The following GRIA3 variants were observed in gnomAD, a reference collection of about 807,000 sequenced individuals.
The protein encoded by GRIA3 is glutamate ionotropic receptor AMPA type subunit 3.
Under a neutral mutation model 63.0 loss-of-function variants are expected in GRIA3, and 3 were observed. That is an observed-to-expected ratio of 0.05 (90% confidence interval 0.02 to 0.12). The LOEUF is 0.12. Among genes scored for constraint, GRIA3 ranks in the 10% least tolerant of loss-of-function variants. The pLI is 1.00. For synonymous variants in GRIA3, 274 were observed against 257.9 expected, an observed-to-expected ratio of 1.06 and a Z score of -0.60; for missense variants, 347 against 700.9, an observed-to-expected ratio of 0.50 and a Z score of 5.70.
At chrX:123,389,069 G>A (rs1324231697) in intron 5 of GRIA3, among the ~76,000 whole-genome samples, 1 of 112,018 alleles carries the variant, frequency 8.9e-6, no homozygotes, top group East Asian at 2.8e-4. Context: ...ACTCCTTTGT[G>A]GCCTGAGAAG....
Position 123,184,488 on chromosome X carries a change from A to C in GRIA3, c.-48A>C, listed in dbSNP as rs369143789. 2 of 915,244 alleles carry C rather than the reference A, an allele frequency of 2.2e-6. No homozygotes were observed. The allele number at this position is 915,244 out of a possible 1,213,427, so 75.4% of individuals were successfully genotyped here. A position where few individuals can be genotyped will look rare whatever the true frequency, so the allele number is the denominator to read the frequency against. On this transcript the variant is annotated 5_prime_UTR_variant, in exon 1 of 16. Coordinates refer to ENST00000620443, the MANE Select transcript of GRIA3 (RefSeq NM_007325.5). ...TTCTTTTTCTATTATTATTTTGACG[A>C]CTCCTGAGTTGCGCCCATGCTCTTG...
In GRIA3 at chrX:123,190,430, G is replaced by A. The variant is rs1040863537; in HGVS notation, c.268+4440G>A. Among the ~76,000 whole-genome samples the A allele has an allele frequency of 5.4e-5, 6 of 110,691 alleles. No homozygotes were observed. In the South Asian group the frequency reaches 1.2e-3, roughly 21 times the overall value. On this transcript the variant is annotated intron_variant, in intron 2 of 15. Coordinates refer to ENST00000620443, the MANE Select transcript of GRIA3 (RefSeq NM_007325.5). ...GTCACGTTTTCACAAGGTTTATTAC[G>A]GTTTTTAAAATTTATTTTTCATAGG...
intron 3 of GRIA3, among the ~76,000 whole-genome samples, chrX:123,284,452 C>T (rs1187810163): frequency 1.8e-5 from 2 of 110,927 alleles, no homozygotes; most frequent in East Asian, 2.8e-4. Flanking sequence ...CAACCTCCTC[C>T]GAGCTAAAGG....
chrX:123,388,710 T>C (rs1235691315), intron 5 of GRIA3, among the ~76,000 whole-genome samples: 1 of 112,531 alleles, frequency 8.9e-6, no homozygotes, highest in African/African-American at 3.2e-5. Flanking sequence ...CTTTAGTCTG[T>C]TTCATTTAGT....
intron 5 of GRIA3, among the ~76,000 whole-genome samples, chrX:123,362,770 T>C (rs1477295501): frequency 9.0e-6 from 1 of 110,579 alleles, no homozygotes; most frequent in Non-Finnish European, 1.9e-5. Context: ...TCCCCATTAA[T>C]AGAACTTATG....
rs191009757 is a variant in GRIA3 at position 123,364,175 on chromosome X, T to C, written c.750+9212T>C. Among the ~76,000 whole-genome samples, 5 of 112,417 alleles carry C rather than the reference T, an allele frequency of 4.4e-5. No homozygotes were observed. In the Admixed American group the frequency reaches 4.7e-4, roughly 11 times the overall value. ...CAACCCTTAATTATTAAAATCCTTA[T>C]GAAATAATAAGATAGGCTTAACAGA... is the stretch of plus-strand genomic sequence containing the variant. On this transcript the variant is annotated intron_variant, in intron 5 of 15. Transcript: ENST00000620443.
At chrX:123,306,002 G>A (rs1603083233) in intron 3 of GRIA3, among the ~76,000 whole-genome samples, 1 of 111,656 alleles carries the variant, frequency 9.0e-6, no homozygotes, top group African/African-American at 3.3e-5. Context: ...AGTCATTGAC[G>A]TTAATGTTCT....
chrX:123,345,250 G>A (rs1229455340), intron 4 of GRIA3, among the ~76,000 whole-genome samples: 4 of 110,999 alleles, frequency 3.6e-5, no homozygotes, highest in African/African-American at 9.9e-5. Flanking sequence ...AGCCCAAGAC[G>A]CCTAGGCAAT....
intron 3 of GRIA3, among the ~76,000 whole-genome samples, chrX:123,276,605 A>G (rs1423536817): frequency 1.8e-5 from 2 of 112,101 alleles, no homozygotes; most frequent in Non-Finnish European, 3.8e-5. Context: ...TTTGCAGGTG[A>G]GGACATAGAG....
chrX:123,200,566 T>C (rs1266719573), intron 2 of GRIA3, among the ~76,000 whole-genome samples: 1 of 102,979 alleles, frequency 9.7e-6, no homozygotes, highest in Non-Finnish European at 2.0e-5. Flanking sequence ...TAAGTCATTA[T>C]ATATGAGCCC....
intron 10 of GRIA3, among the ~76,000 whole-genome samples, chrX:123,412,205 T>C (rs2045510686): frequency 8.9e-6 from 1 of 111,825 alleles, no homozygotes; most frequent in African/African-American, 3.3e-5. Context: ...TATTTTTGGA[T>C]GCTAGTTAGT....
chrX:123,423,301 C>A (rs906169958), intron 11 of GRIA3, among the ~76,000 whole-genome samples: 1 of 111,709 alleles, frequency 9.0e-6, no homozygotes, highest in Non-Finnish European at 1.9e-5. Flanking sequence ...ACACGTAGAT[C>A]CTCCTTTAAA....
rs45448591 is a variant in GRIA3, at chrX:123,489,063, T to C, written c.*353T>C. On this transcript the variant is annotated 3_prime_UTR_variant, in exon 16 of 16. Coordinates refer to ENST00000620443, the MANE Select transcript of GRIA3 (RefSeq NM_007325.5). The stretch of plus-strand genomic sequence containing the variant: ...TTCTTTGATACCACTGCAGAGTATA[T>C]AAACACCATGTTCTTTAATACACAC... The C allele has an allele frequency of 0.031, 3,062 of 97,421 alleles. 53 individuals carry two copies. Among genetic ancestry groups the C allele is most frequent in the Middle Eastern group, 0.056 (11 of 196 alleles). The allele number at this position is 97,421 out of a possible 1,213,427, so 8.0% of individuals were successfully genotyped here.
intron 4 of GRIA3, among the ~76,000 whole-genome samples, chrX:123,350,526 T>C (rs1331777216): frequency 8.9e-6 from 1 of 112,207 alleles, no homozygotes; most frequent in African/African-American, 3.2e-5. Flanking sequence ...ATTTCTAAAA[T>C]TATGAAAATG....
chrX:123,203,706 G>T (rs992605726), intron 2 of GRIA3, among the ~76,000 whole-genome samples: 2 of 111,982 alleles, frequency 1.8e-5, no homozygotes, highest in Non-Finnish European at 3.8e-5. Flanking sequence ...GGTAGAACTG[G>T]TTAGATACAG....
At chrX:123,189,936 A>C (rs1927384309) in intron 2 of GRIA3, among the ~76,000 whole-genome samples, 1 of 111,914 alleles carries the variant, frequency 8.9e-6, no homozygotes, top group Non-Finnish European at 1.9e-5. Context: ...TCACTACCAA[A>C]TATACTTAGC....
intron 13 of GRIA3, among the ~76,000 whole-genome samples, chrX:123,472,622 T>C (rs767564762): frequency 1.3e-4 from 15 of 111,583 alleles, no homozygotes; most frequent in Admixed American, 3.8e-4. Flanking sequence ...AACTACTAGA[T>C]GGAGAAGTTG....
At chrX:123,485,311 G>A (rs1446533217) in intron 15 of GRIA3, among the ~76,000 whole-genome samples, 1 of 111,687 alleles carries the variant, frequency 9.0e-6, no homozygotes, top group Non-Finnish European at 1.9e-5. Flanking sequence ...TCATCCAAGT[G>A]TTCTCACATC....
intron 2 of GRIA3, among the ~76,000 whole-genome samples, chrX:123,190,539 C>T (rs1409312100): frequency 9.0e-6 from 1 of 111,398 alleles, no homozygotes; most frequent in African/African-American, 3.3e-5. Context: ...GAGCTTCCTG[C>T]AAAGTGTATT....
Sources: gnomAD v4.1 joint callset for allele counts (sites outside exome capture counted in the v4.1 genomes callset) on GRCh38, gnomAD v4.1.1 for gene constraint, MANE v1.5 for transcripts, NCBI Gene and HGNC (gene_info 2026-07-23, HGNC 2026-07-21) for gene names.